CCDC60: variants seen among roughly 807,000 people sequenced by gnomAD.
CCDC60 encodes coiled-coil domain-containing protein 60.
CCDC60 carries 54 observed loss-of-function variants against 63.5 expected under a neutral mutation model. The ratio of observed to expected loss-of-function variants is 0.85; its 90% CI spans 0.68 to 1.07. CCDC60 has a LOEUF of 1.07. Among genes scored for constraint, CCDC60 ranks in the 50% least tolerant of loss-of-function variants. The pLI, the probability that CCDC60 is intolerant of heterozygous loss-of-function variation, is 0.00. For missense variants in CCDC60, 651 were observed against 684.3 expected, an observed-to-expected ratio of 0.95 and a Z score of 0.54; for synonymous variants, 206 against 238.8, an observed-to-expected ratio of 0.86 and a Z score of 1.27.
At chr12:119,346,139 T>C (rs1046621613) in intron 1 of CCDC60, among the ~76,000 whole-genome samples, 14 of 152,030 alleles carry the variant, frequency 9.2e-5, no homozygotes, top group Non-Finnish European at 1.8e-4. Context: ...TGTATGACTT[T>C]GGACAAATCA....
intron 2 of CCDC60, among the ~76,000 whole-genome samples, chr12:119,441,758 T>G (rs1246269173): frequency 6.6e-6 from 1 of 152,242 alleles, no homozygotes; most frequent in Non-Finnish European, 1.5e-5. Context: ...TAGTATTTAT[T>G]GCGTGAGGAT....
intron 8 of CCDC60, among the ~76,000 whole-genome samples, chr12:119,519,176 CA>C (rs1952429093): frequency 6.6e-6 from 1 of 152,106 alleles, no homozygotes; most frequent in Admixed American, 6.6e-5. Flanking sequence ...TCAAGGCTGA[CA>C]TCGAACTGAG....
intron 1 of CCDC60, among the ~76,000 whole-genome samples, chr12:119,404,075 G>T (rs1342994943): frequency 6.6e-6 from 1 of 152,134 alleles, no homozygotes. Context: ...ATCACTTGAG[G>T]TCAGGAGTTC....
chr12:119,537,638 T>C lies in CCDC60; in HGVS notation c.1552-2976T>C, dbSNP rs142241425. On this transcript the variant is annotated intron_variant, in intron 13 of 13. Coordinates refer to ENST00000327554, the MANE Select transcript of CCDC60 (RefSeq NM_178499.5). ...TGTTGATGTTGATGCTATTCCTTTCTGTTTGTTAGTTTTCCGTCTCACAGT... is the reference window on the plus strand; with the variant it reads ...TGTTGATGTTGATGCTATTCCTTTCCGTTTGTTAGTTTTCCGTCTCACAGT... Among the ~76,000 whole-genome samples the C allele has an allele frequency of 8.5e-3, 1,300 of 152,378 alleles. 14 individuals are homozygous for C. Among genetic ancestry groups the C allele is most frequent in the African/African-American group, 0.03 (1,238 of 41,592 alleles).
intron 1 of CCDC60, among the ~76,000 whole-genome samples, chr12:119,375,786 C>T (rs1402741410): frequency 6.6e-6 from 1 of 152,122 alleles, no homozygotes; most frequent in African/African-American, 2.4e-5. Context: ...GTTTCTGATG[C>T]ATGCAGGATG....
At chr12:119,499,097 C>G (rs117963570) in intron 5 of CCDC60, among the ~76,000 whole-genome samples, 4,004 of 152,318 alleles carry the variant, frequency 0.026, 78 homozygotes, top group Middle Eastern at 0.071. Flanking sequence ...GTCCCTTTAG[C>G]CCCCTCAGAG....
At chr12:119,380,889 T>C (rs1265637467) in intron 1 of CCDC60, among the ~76,000 whole-genome samples, 1 of 152,222 alleles carries the variant, frequency 6.6e-6, no homozygotes, top group Non-Finnish European at 1.5e-5. Flanking sequence ...AGGAATGGCT[T>C]TCTTCTTACA....
intron 3 of CCDC60, among the ~76,000 whole-genome samples, chr12:119,478,198 C>A (rs1350797627): frequency 1.3e-5 from 2 of 151,986 alleles, no homozygotes; most frequent in Non-Finnish European, 2.9e-5. Flanking sequence ...GCCTGTAATC[C>A]CAGCTACTCG....
chr12:119,366,578 C>T (rs1955842470), intron 1 of CCDC60, among the ~76,000 whole-genome samples: 1 of 152,196 alleles, frequency 6.6e-6, no homozygotes, highest in African/African-American at 2.4e-5. Context: ...ACACAGAAAA[C>T]TGTGCCCTGG....
In CCDC60 at chr12:119,353,853, G is replaced by T. The variant is rs761232577; in HGVS notation, c.90+18587G>T. 2.0e-5 allele frequency among the ~76,000 whole-genome samples: 3 copies of T among 152,098 alleles called. No individual in the cohort carries two copies. In the East Asian group the frequency reaches 5.8e-4, roughly 30 times the overall value. On this transcript the variant is annotated intron_variant, in intron 1 of 13. Transcript: ENST00000327554. The stretch of plus-strand genomic sequence containing the variant: ...TTTGGTATGCCAAGGCGAGTGGATC[G>T]CCTGAGGTCCAGAGTTTGAGACCAG...
intron 12 of CCDC60, among the ~76,000 whole-genome samples, chr12:119,530,155 A>G (rs773504464): frequency 1.3e-5 from 2 of 152,128 alleles, no homozygotes; most frequent in Non-Finnish European, 2.9e-5. Flanking sequence ...AATATAATAA[A>G]TATATATCCT....
chr12:119,469,633 A>G (rs1167939047), intron 2 of CCDC60, among the ~76,000 whole-genome samples: 1 of 152,214 alleles, frequency 6.6e-6, no homozygotes, highest in Non-Finnish European at 1.5e-5. Context: ...CCAGTGATTT[A>G]TTGCCCAGCG....
At chr12:119,339,545 G>C (rs374632215) in intron 1 of CCDC60, among the ~76,000 whole-genome samples, 16 of 152,146 alleles carry the variant, frequency 1.1e-4, no homozygotes, top group Non-Finnish European at 1.6e-4. Flanking sequence ...AACACTTTGG[G>C]GGGGGCCGAG....
chr12:119,384,068 C>T (rs1301516300), intron 1 of CCDC60, among the ~76,000 whole-genome samples: 5 of 151,992 alleles, frequency 3.3e-5, no homozygotes, highest in South Asian at 4.2e-4. Flanking sequence ...TGGTGGCGGG[C>T]GCCTATAGTT....
At chr12:119,475,592 A>T (rs1951158619) in intron 3 of CCDC60, among the ~76,000 whole-genome samples, 1 of 152,238 alleles carries the variant, frequency 6.6e-6, no homozygotes. Context: ...AGGGTGTTAT[A>T]AAACAGCATT....
At chr12:119,515,809 T>A (rs910634869) in intron 7 of CCDC60, among the ~76,000 whole-genome samples, 2 of 152,204 alleles carry the variant, frequency 1.3e-5, no homozygotes, top group African/African-American at 4.8e-5. Flanking sequence ...GATTTTCATG[T>A]GAAATCTTCC....
rs77318681 is a variant in CCDC60 at position 119,456,060 on chromosome 12, A to AAAGCAAGC, written c.171-15928_171-15921dup. On this transcript the variant is annotated intron_variant, in intron 2 of 13. Transcript: ENST00000327554. This position sits in a 1 kb window ranked among gnomAD's most constrained non-coding sequence, Gnocchi z 4.6. ...GAAAGAAAGAAAGAAAGAAAGAAAG[A>AAAGCAAGC]AAGCAAGCAAGCATGTGCAATTTCA... Among the ~76,000 whole-genome samples, 2,591 of 118,754 alleles carry AAAGCAAGC rather than the reference A, an allele frequency of 0.022. 121 individuals carry two copies. Among genetic ancestry groups the AAAGCAAGC allele is most frequent in the African/African-American group, 0.054 (1,689 of 31,388 alleles). The allele number at this position is 118,754 out of a possible 152,430, so 77.9% of individuals were successfully genotyped here. A position where few individuals can be genotyped will look rare whatever the true frequency, so the allele number is the denominator to read the frequency against.
intron 13 of CCDC60, among the ~76,000 whole-genome samples, chr12:119,532,348 G>C (rs1952869098): frequency 6.6e-6 from 1 of 151,454 alleles, no homozygotes; most frequent in Non-Finnish European, 1.5e-5. Context: ...TCACAGCCCT[G>C]ACTAATAAAA....
intron 1 of CCDC60, among the ~76,000 whole-genome samples, chr12:119,344,667 G>A (rs58186989): frequency 0.011 from 1,646 of 152,232 alleles, 34 homozygotes; most frequent in African/African-American, 0.038. Context: ...TGAAAATGAA[G>A]ACGAATATCT....
Sources: allele counts gnomAD v4.1 joint callset (sites outside exome capture counted in the v4.1 genomes callset), GRCh38; gene constraint gnomAD v4.1.1; non-coding constraint Gnocchi (gnomAD v3.1); transcripts MANE v1.5; gene names NCBI Gene and HGNC (gene_info 2026-07-23, HGNC 2026-07-21).